Variants in ZFYVE28 observed in about 807,000 individuals in gnomAD.
The protein encoded by ZFYVE28 is lateral signaling target protein 2 homolog.
A neutral mutation model predicts 82.1 loss-of-function variants in ZFYVE28; 40 were observed. That is an observed-to-expected ratio of 0.49 (90% CI 0.38 to 0.63). The LOEUF (loss-of-function observed/expected upper bound fraction) is 0.63, where lower values mean the gene tolerates loss of function less well. ZFYVE28 is among the 30% of genes least tolerant of loss of function. ZFYVE28 has a pLI of 0.00. For synonymous variants in ZFYVE28, 612 were observed against 546.1 expected (o/e 1.12, Z -1.68); for missense variants, 1,321 against 1,242.1 (o/e 1.06, Z -0.96).
In ZFYVE28 at chr4:2,320,367, T is replaced by G. The variant is rs1379210752; in HGVS notation, c.702-96A>C. On this transcript the variant is annotated intron_variant, in intron 6 of 12. Transcript: ENST00000290974. The surrounding 1 kb of genome is among the most constrained non-coding windows in gnomAD (Gnocchi z 5.1). Reference sequence around the variant, plus strand: ...AACCACCTGCGAAAACCACGCCCGCTGGGACTCTGCAGCGCCACTGTCCCA... The same window carrying G: ...AACCACCTGCGAAAACCACGCCCGCGGGGACTCTGCAGCGCCACTGTCCCA... 3.8e-6 allele frequency: 4 copies of G among 1,062,014 alleles called. No individual in the cohort carries two copies. Among genetic ancestry groups the G allele is most frequent in the Non-Finnish European group, 5.6e-6 (4 of 717,978 alleles). The allele number at this position is 1,062,014 out of a possible 1,614,324, so 65.8% of individuals were successfully genotyped here.
chr4:2,341,367 G>A lies in ZFYVE28; in HGVS notation c.318+111C>T. 2.1e-6 allele frequency: 3 copies of A among 1,441,232 alleles called. No individual in the cohort carries two copies. Among genetic ancestry groups the A allele is most frequent in the Non-Finnish European group, 2.8e-6 (3 of 1,057,452 alleles). 89.3% of individuals were successfully genotyped at this position (1,441,232 alleles called of 1,614,324 possible). On this transcript the variant is annotated intron_variant, in intron 3 of 12. Transcript: ENST00000290974. The surrounding 1 kb of genome is among the most constrained non-coding windows in gnomAD (Gnocchi z 4.5). ...TAACCCAGAGTGGACGGAGCTCTTG[G>A]AGGAGACACCAGGTCCCGGCACCTG... is the stretch of plus-strand genomic sequence containing the variant.
At position 2,339,634 on chromosome 4, in the gene ZFYVE28, T is replaced by C; in HGVS notation, c.340A>G (p.Ile114Val). ...GAECLAAGSI[I>V]MNRELESMAM... ...ATGCTCTCCAGCTCCCGGTTCATGATGATGGAGCCGGCGGCCAGGCACTGC... is the reference window on the plus strand; with the variant it reads ...ATGCTCTCCAGCTCCCGGTTCATGACGATGGAGCCGGCGGCCAGGCACTGC... The change falls in exon 4 of 13, where the codon ATC becomes GTC. Residue 114 changes from isoleucine to valine, a missense_variant. By Grantham distance (29) the Ile-to-Val change is conservative. This residue lies in a region of ZFYVE28 where 343 missense variants were observed against 408.4 expected (regional missense o/e 0.84). Transcript: ENST00000290974. The surrounding 1 kb of genome is among the most constrained non-coding windows in gnomAD (Gnocchi z 5.0). The C allele has an allele frequency of 6.2e-7, 1 of 1,606,544 alleles. No individual in the cohort carries two copies. The highest frequency in any genetic ancestry group is 8.5e-7 in the Non-Finnish European group (1 of 1,177,166).
Position 2,291,773 on chromosome 4 carries a change from C to T in ZFYVE28, c.2051+12516G>A, listed in dbSNP as rs78536683. On this transcript the variant is annotated intron_variant, in intron 8 of 12. Coordinates refer to ENST00000290974, the MANE Select transcript of ZFYVE28 (RefSeq NM_020972.3). ...GCCGATGCCCATCCCACTCCCCACA[C>T]GCCTGGCTGGTGGAGGACATGAACC... 4.3e-3 allele frequency among the ~76,000 whole-genome samples: 658 copies of T among 152,344 alleles called. 1 individual carries two copies. The highest frequency in any genetic ancestry group is 0.014 in the African/African-American group (592 of 41,578).
At chr4:2,383,158 G>T (rs972223084) in intron 1 of ZFYVE28, among the ~76,000 whole-genome samples, 1 of 152,076 alleles carries the variant, frequency 6.6e-6, no homozygotes, top group African/African-American at 2.4e-5. Flanking sequence ...GATTTGAAGG[G>T]GCCAGGGACG....
intron 2 of ZFYVE28, among the ~76,000 whole-genome samples, chr4:2,352,143 C>T (rs988069525): frequency 6.6e-6 from 1 of 152,140 alleles, no homozygotes; most frequent in Admixed American, 6.5e-5. Context: ...TATAAATGGA[C>T]CTGTGCAGTT....
In ZFYVE28 at chr4:2,318,811, C is replaced by T. The variant is rs537881545; in HGVS notation, c.803+1359G>A. Among the ~76,000 whole-genome samples, 523 of 152,172 alleles carry T rather than the reference C, an allele frequency of 3.4e-3. 2 individuals carry two copies. The highest frequency in any genetic ancestry group is 0.012 in the African/African-American group (497 of 41,520). The stretch of plus-strand genomic sequence containing the variant: ...TCCCAACCCTTTGGAAGACCGAGGC[C>T]GGAGGAAAGCTTAAGCCTAGGAGTT... On this transcript the variant is annotated intron_variant, in intron 7 of 12. Coordinates refer to ENST00000290974, the MANE Select transcript of ZFYVE28 (RefSeq NM_020972.3).
intron 8 of ZFYVE28, among the ~76,000 whole-genome samples, chr4:2,296,392 C>G (rs562574480): frequency 6.6e-6 from 1 of 152,360 alleles, no homozygotes; most frequent in Non-Finnish European, 1.5e-5. Flanking sequence ...GGCGGACCAG[C>G]CCTGGTCTTA....
chr4:2,391,455 C>CTTTTTTTTTTTTTTTTTT (rs140103966), intron 1 of ZFYVE28, among the ~76,000 whole-genome samples: 1 of 117,222 alleles, frequency 8.5e-6, no homozygotes, highest in Non-Finnish European at 1.7e-5. Flanking sequence ...GGTCAATTAT[C>CTTTTTTTTTTTTTTTTTT]TTTTTTTTTT....
Position 2,372,256 on chromosome 4 carries a change from G to A in ZFYVE28, c.40-18183C>T, listed in dbSNP as rs2108905611. ...GAAGGATGGTGGCGGGGCTGAGTCT[G>A]GTTCCGAGAAGGACTCGTGAGGGGG... is the stretch of plus-strand genomic sequence containing the variant. On this transcript the variant is annotated intron_variant, in intron 1 of 12. Coordinates refer to ENST00000290974, the MANE Select transcript of ZFYVE28 (RefSeq NM_020972.3). The surrounding 1 kb of genome is among the most constrained non-coding windows in gnomAD (Gnocchi z 5.2). Among the ~76,000 whole-genome samples the A allele has an allele frequency of 6.6e-6, 1 of 152,260 alleles. No homozygotes were observed. The highest frequency in any genetic ancestry group is 1.5e-5 in the Non-Finnish European group (1 of 68,010).
intron 1 of ZFYVE28, among the ~76,000 whole-genome samples, chr4:2,389,657 C>T (rs969839904): frequency 6.6e-6 from 1 of 152,212 alleles, no homozygotes; most frequent in Admixed American, 6.5e-5. Flanking sequence ...ATCCATTCCC[C>T]GATCCGGCTC....
chr4:2,287,919 G>T (rs908592915), intron 8 of ZFYVE28, among the ~76,000 whole-genome samples: 2 of 152,206 alleles, frequency 1.3e-5, no homozygotes, highest in African/African-American at 2.4e-5. Flanking sequence ...CTGAAAATTA[G>T]CTATTTTCCC....
At chr4:2,328,975 T>C (rs1450933891) in intron 6 of ZFYVE28, 1 of 531,980 alleles carries the variant, frequency 1.9e-6, no homozygotes. Context: ...TTTTATTCCA[T>C]TGGTCTATAC....
intron 7 of ZFYVE28, among the ~76,000 whole-genome samples, chr4:2,308,683 G>GAAAGAAAGAAAGA (rs1553830773): frequency 3.7e-5 from 3 of 81,512 alleles, no homozygotes; most frequent in South Asian, 4.7e-4. Flanking sequence ...GAAAGAGAAA[G>GAAAGAAAGAAAGA]AAAGAAAAGA....
intron 8 of ZFYVE28, among the ~76,000 whole-genome samples, chr4:2,303,055 T>C (rs1313364974): frequency 1.3e-5 from 2 of 152,056 alleles, no homozygotes; most frequent in East Asian, 3.9e-4. Flanking sequence ...AACCCATCGA[T>C]GGAAAGTGAC....
At chr4:2,303,337 C>T (rs1005799458) in intron 8 of ZFYVE28, among the ~76,000 whole-genome samples, 3 of 152,200 alleles carry the variant, frequency 2.0e-5, no homozygotes, top group Non-Finnish European at 4.4e-5. Flanking sequence ...CTGGGCCTGC[C>T]TGCCATCCTT....
At chr4:2,287,757 CT>C in intron 8 of ZFYVE28, 1 of 152,288 alleles carries the variant, frequency 6.6e-6, no homozygotes, top group Non-Finnish European at 1.5e-5. Context: ...CTCCCAGTGC[CT>C]TTTGTGATGT....
intron 1 of ZFYVE28, among the ~76,000 whole-genome samples, chr4:2,399,666 C>A (rs1325676147): frequency 1.3e-5 from 2 of 152,256 alleles, no homozygotes; most frequent in East Asian, 1.9e-4. Context: ...TTCCGTTGCA[C>A]CAGGTGGCCT....
intron 1 of ZFYVE28, among the ~76,000 whole-genome samples, chr4:2,399,958 C>T (rs1730995229): frequency 6.6e-6 from 1 of 152,254 alleles, no homozygotes; most frequent in African/African-American, 2.4e-5. Flanking sequence ...CCACGTCCCT[C>T]CTCCTCAGAC....
intron 8 of ZFYVE28, among the ~76,000 whole-genome samples, chr4:2,297,455 G>A (rs1474354868): frequency 6.6e-6 from 1 of 152,244 alleles, no homozygotes; most frequent in Non-Finnish European, 1.5e-5. Flanking sequence ...CGCGGTGGGT[G>A]GATGTTCAAG....
Sources: gnomAD v4.1 joint callset for allele counts (sites outside exome capture counted in the v4.1 genomes callset) on GRCh38, gnomAD v4.1.1 for gene constraint, gnomAD v4.1.1 regional missense constraint, Gnocchi (gnomAD v3.1) non-coding constraint, MANE v1.5 for transcripts, NCBI Gene and HGNC (gene_info 2026-07-23, HGNC 2026-07-21) for gene names.